The following RBM33 variants were observed in gnomAD, a reference collection of about 807,000 sequenced individuals.
The protein encoded by RBM33 is RNA binding motif protein 33, also known as RNA-binding protein 33.
RBM33 carries 28 observed loss-of-function variants against 132.6 expected under a neutral mutation model. The observed-to-expected ratio is 0.21, with a 90% confidence interval of 0.16 to 0.29. RBM33 has a LOEUF of 0.29. Ranked by LOEUF, RBM33 falls within the 10% of genes least tolerant of loss-of-function variation. The pLI is 1.00. For synonymous variants in RBM33, 634 were observed against 593.0 expected (o/e 1.07, Z -1.01); for missense variants, 1,291 against 1,518.5 (o/e 0.85, Z 2.49).
chr7:155,706,357 C>T (rs903147003), intron 6 of RBM33, among the ~76,000 whole-genome samples: 4 of 152,058 alleles, frequency 2.6e-5, no homozygotes, highest in African/African-American at 4.8e-5. Context: ...GCCGGCGTGG[C>T]GGTGTGCACC....
intron 2 of RBM33, among the ~76,000 whole-genome samples, chr7:155,665,826 A>G (rs998170489): frequency 4.6e-5 from 7 of 152,192 alleles, no homozygotes; most frequent in Non-Finnish European, 1.0e-4. Flanking sequence ...GAGGTTAGAG[A>G]TGTGTTCTGG....
chr7:155,683,230 C>T (rs1003900333), intron 5 of RBM33, among the ~76,000 whole-genome samples: 2 of 152,142 alleles, frequency 1.3e-5, no homozygotes, highest in Non-Finnish European at 2.9e-5. Flanking sequence ...GGAGGAGATA[C>T]GCAGAGAATT....
intron 6 of RBM33, among the ~76,000 whole-genome samples, chr7:155,706,510 G>C (rs1800118075): frequency 6.6e-6 from 1 of 151,996 alleles, no homozygotes; most frequent in South Asian, 2.1e-4. Context: ...AAAAAGGATG[G>C]GACTGCAAAA....
At position 155,739,806 on chromosome 7, in the gene RBM33, A is replaced by AACCC; in HGVS notation, c.1829_1830insACCC (p.Pro612AlafsTer74). ...CCGCCACAGCACCAGCCTCCGCACC[A>AACCC]GCCCCCGCACCAGCCCCCGCCCCAG... On this transcript the variant is annotated frameshift_variant, in exon 12 of 18. Coordinates refer to ENST00000401878, the MANE Select transcript of RBM33 (RefSeq NM_053043.3). LOFTEE classifies it high-confidence loss of function. The AACCC allele has an allele frequency of 8.1e-7, 1 of 1,227,778 alleles. No individual in the cohort carries two copies. The highest frequency in any genetic ancestry group is 1.1e-6 in the Non-Finnish European group (1 of 920,142). 76.1% of individuals were successfully genotyped at this position (1,227,778 alleles called of 1,614,324 possible).
intron 12 of RBM33, among the ~76,000 whole-genome samples, chr7:155,741,165 GA>G (rs1272936329): frequency 6.6e-6 from 1 of 152,134 alleles, no homozygotes; most frequent in Non-Finnish European, 1.5e-5. Context: ...CTAGTCTCAT[GA>G]CCCTCGTGCA....
At chr7:155,714,462 G>A (rs192841605) in intron 8 of RBM33, among the ~76,000 whole-genome samples, 68 of 152,332 alleles carry the variant, frequency 4.5e-4, no homozygotes, top group South Asian at 4.1e-4. Flanking sequence ...ACGGATCTGA[G>A]GCAGGGCACG....
chr7:155,659,706 A>G (rs926127992), intron 1 of RBM33, among the ~76,000 whole-genome samples: 1 of 152,216 alleles, frequency 6.6e-6, no homozygotes, highest in African/African-American at 2.4e-5. Flanking sequence ...TTCATATACA[A>G]ATATATAGCT....
intron 9 of RBM33, among the ~76,000 whole-genome samples, chr7:155,721,748 A>G (rs1212260510): frequency 2.0e-5 from 3 of 152,044 alleles, no homozygotes; most frequent in Non-Finnish European, 2.9e-5. Flanking sequence ...ATTTAAAATT[A>G]TTCTTTAAAA....
intron 5 of RBM33, among the ~76,000 whole-genome samples, chr7:155,689,593 T>C (rs528982355): frequency 1.9e-4 from 29 of 152,242 alleles, no homozygotes; most frequent in Non-Finnish European, 1.0e-4. Context: ...CTTTCCTGCA[T>C]TCTCTTGTGG....
rs373342069 is a variant in RBM33 at position 155,720,263 on chromosome 7, G to A, written c.1260+1820G>A. ...CCAGGTATTTACCACGATTTAACAC[G>A]TATCTTCCTTTAAGTCCCAAGTGCT... On this transcript the variant is annotated intron_variant, in intron 9 of 17. Coordinates refer to ENST00000401878, the MANE Select transcript of RBM33 (RefSeq NM_053043.3). Among the ~76,000 whole-genome samples the A allele has an allele frequency of 1.5e-4, 23 of 152,294 alleles. 1 individual carries two copies. The South Asian group carries it at 4.8e-3, about 32-fold the overall frequency.
chr7:155,742,188 C>G, intron 13 of RBM33, 82 bp downstream of exon 13: 1 of 1,285,492 alleles, frequency 7.8e-7, no homozygotes, highest in Non-Finnish European at 1.0e-6. Flanking sequence ...TTCACTCTCA[C>G]TAAGTTATTC....
At chr7:155,716,149 A>C (rs1391185876) in intron 8 of RBM33, among the ~76,000 whole-genome samples, 1 of 152,196 alleles carries the variant, frequency 6.6e-6, no homozygotes, top group East Asian at 1.9e-4. Context: ...TCTTCGCTGC[A>C]GTAGTCGGGC....
chr7:155,677,658 A>G (rs2116918834), intron 3 of RBM33, among the ~76,000 whole-genome samples: 1 of 152,356 alleles, frequency 6.6e-6, no homozygotes, highest in Middle Eastern at 3.4e-3. Flanking sequence ...CTGTGCGACT[A>G]AGAAGTGCTA....
chr7:155,644,865 C>T lies in RBM33; in HGVS notation c.-12C>T. 2 of 1,489,882 alleles carry T rather than the reference C, an allele frequency of 1.3e-6. No individual in the cohort carries two copies. Among genetic ancestry groups the T allele is most frequent in the African/African-American group, 1.5e-5 (1 of 68,948 alleles). 92.3% of individuals were successfully genotyped at this position (1,489,882 alleles called of 1,614,324 possible). ...TGGTGGGGGAGGCTGAAGGCCGGGCCCCGCGAGTGCCATGGCGGCCGCCCT... is the reference window on the plus strand; with the variant it reads ...TGGTGGGGGAGGCTGAAGGCCGGGCTCCGCGAGTGCCATGGCGGCCGCCCT... On this transcript the variant is annotated 5_prime_UTR_variant, in exon 1 of 18. Coordinates refer to ENST00000401878, the MANE Select transcript of RBM33 (RefSeq NM_053043.3).
intron 3 of RBM33, among the ~76,000 whole-genome samples, chr7:155,673,768 G>GCACGCACACACACA (rs1554469953): frequency 2.7e-4 from 36 of 132,980 alleles, no homozygotes; most frequent in South Asian, 1.2e-3. Flanking sequence ...GCGCATGCGC[G>GCACGCACACACACA]CACACACACA....
intron 1 of RBM33, among the ~76,000 whole-genome samples, chr7:155,648,183 A>G (rs1798255019): frequency 6.6e-6 from 1 of 152,228 alleles, no homozygotes; most frequent in African/African-American, 2.4e-5. Context: ...TAGCATCAAC[A>G]TTCTGGCAAT....
At chr7:155,659,629 G>A (rs1247668944) in intron 1 of RBM33, among the ~76,000 whole-genome samples, 1 of 151,996 alleles carries the variant, frequency 6.6e-6, no homozygotes, top group Non-Finnish European at 1.5e-5. Context: ...ATACACATAG[G>A]AGACCCACGA....
intron 1 of RBM33, among the ~76,000 whole-genome samples, chr7:155,654,153 C>G (rs1798430623): frequency 6.6e-6 from 1 of 152,166 alleles, no homozygotes; most frequent in East Asian, 1.9e-4. Context: ...GCACGTATAT[C>G]CATCAATCCA....
intron 5 of RBM33, among the ~76,000 whole-genome samples, chr7:155,692,671 C>T (rs1799680078): frequency 6.6e-6 from 1 of 152,192 alleles, no homozygotes; most frequent in East Asian, 1.9e-4. Context: ...GACGAAGAGT[C>T]TTAGCTTTCT....
Sources: gnomAD v4.1 joint callset for allele counts (sites outside exome capture counted in the v4.1 genomes callset) on GRCh38, gnomAD v4.1.1 for gene constraint, MANE v1.5 for transcripts, NCBI Gene and HGNC (gene_info 2026-07-23, HGNC 2026-07-21) for gene names.